The following DPY19L2 variants were observed in gnomAD, a reference collection of about 807,000 sequenced individuals.
DPY19L2 encodes probable C-mannosyltransferase DPY19L2.
Under a neutral mutation model 97.9 loss-of-function variants are expected in DPY19L2, and 34 were observed. The observed-to-expected ratio is 0.35, with a 90% CI of 0.26 to 0.46. The LOEUF (loss-of-function observed/expected upper bound fraction) is 0.46, where lower values mean the gene tolerates loss of function less well. Ranked by LOEUF, DPY19L2 falls within the 20% of genes least tolerant of loss-of-function variation. The pLI, the probability that DPY19L2 is intolerant of heterozygous loss-of-function variation, is 1.00. For synonymous variants in DPY19L2, 230 were observed against 307.9 expected (o/e 0.75, Z 2.65); for missense variants, 623 against 911.4 (o/e 0.68, Z 4.07).
chr12:63,656,481 T>G (rs1228185352), intron 4 of DPY19L2, among the ~76,000 whole-genome samples: 1 of 152,212 alleles, frequency 6.6e-6, no homozygotes, highest in Non-Finnish European at 1.5e-5. Context: ...CATTTACCCC[T>G]AGGTTTGCAT....
intron 6 of DPY19L2, among the ~76,000 whole-genome samples, chr12:63,628,688 T>C (rs1890033251): frequency 6.6e-6 from 1 of 151,778 alleles, no homozygotes; most frequent in Non-Finnish European, 1.5e-5. Context: ...CAGACTTAAA[T>C]GTCCCTGTCT....
intron 3 of DPY19L2, 139 bp from the exon 4 acceptor site, chr12:63,661,620 C>T (rs1393463415): frequency 1.6e-6 from 1 of 638,790 alleles, no homozygotes; most frequent in Admixed American, 4.0e-5. Flanking sequence ...CGCTATTTTG[C>T]ATTCTTGGTT....
intron 20 of DPY19L2, among the ~76,000 whole-genome samples, chr12:63,570,549 A>T (rs11175049): frequency 5.3e-5 from 8 of 152,118 alleles, no homozygotes; most frequent in African/African-American, 1.4e-4. Flanking sequence ...TCAGTTTTTC[A>T]GAGGTCTGCT....
chr12:63,637,825 A>C (rs936585170), intron 6 of DPY19L2, among the ~76,000 whole-genome samples: 1 of 152,146 alleles, frequency 6.6e-6, no homozygotes, highest in African/African-American at 2.4e-5. Flanking sequence ...TCCAATCAAA[A>C]GAAAAAGAGG....
intron 6 of DPY19L2, among the ~76,000 whole-genome samples, chr12:63,629,896 A>G (rs1427605678): frequency 1.3e-5 from 2 of 152,184 alleles, no homozygotes; most frequent in Non-Finnish European, 2.9e-5. Flanking sequence ...GCCAGAAGAG[A>G]GTGGGGGCCA....
chr12:63,573,187 G>C (rs527491430), intron 19 of DPY19L2, among the ~76,000 whole-genome samples: 2 of 152,166 alleles, frequency 1.3e-5, no homozygotes, highest in Non-Finnish European at 2.9e-5. Context: ...GCTGAGGAAA[G>C]TCAACGAAAT....
chr12:63,639,677 CAATCA>C (rs1164196827), intron 6 of DPY19L2, among the ~76,000 whole-genome samples: 4 of 152,182 alleles, frequency 2.6e-5, no homozygotes, highest in African/African-American at 9.6e-5. Flanking sequence ...GTTAGAATGG[CAATCA>C]TTAAAAAGTC....
At chr12:63,666,834 C>G (rs1290570872) in intron 1 of DPY19L2, among the ~76,000 whole-genome samples, 1 of 152,128 alleles carries the variant, frequency 6.6e-6, no homozygotes, top group Non-Finnish European at 1.5e-5. Context: ...CCTAAATATA[C>G]TTGGCAAGTC....
intron 4 of DPY19L2, among the ~76,000 whole-genome samples, chr12:63,654,425 T>C (rs566549582): frequency 6.6e-6 from 1 of 152,008 alleles, no homozygotes; most frequent in Non-Finnish European, 1.5e-5. Context: ...CAAACAGAAA[T>C]TGAAAACCAA....
At chr12:63,668,587 C>A, upstream of DPY19L2, 1 of 606,242 alleles carries the variant, frequency 1.6e-6, no homozygotes, top group Non-Finnish European at 2.9e-6. Flanking sequence ...CGCGGGCAGT[C>A]CCTGAGTGTC....
intron 11 of DPY19L2, among the ~76,000 whole-genome samples, chr12:63,611,824 T>C (rs1887055348): frequency 1.3e-5 from 2 of 151,952 alleles, no homozygotes; most frequent in African/African-American, 4.8e-5. Flanking sequence ...AGTCCCTAAA[T>C]GAAAGTGAAG....
intron 4 of DPY19L2, among the ~76,000 whole-genome samples, chr12:63,656,818 T>C (rs1207459541): frequency 6.6e-6 from 1 of 152,178 alleles, no homozygotes; most frequent in African/African-American, 2.4e-5. Flanking sequence ...TGTCTGCTGA[T>C]GAGCTCATGT....
At chr12:63,607,127 A>C (rs1252685044) in intron 12 of DPY19L2, among the ~76,000 whole-genome samples, 2 of 152,138 alleles carry the variant, frequency 1.3e-5, no homozygotes, top group East Asian at 3.9e-4. Flanking sequence ...TCTTGATTTT[A>C]AAACTTGGTC....
chr12:63,562,824 G>T (rs1876862798), intron 21 of DPY19L2, among the ~76,000 whole-genome samples: 1 of 145,194 alleles, frequency 6.9e-6, no homozygotes, highest in African/African-American at 2.6e-5. Context: ...CTGAGACAAG[G>T]TCTTGCTCTG....
chr12:63,664,927 G>C (rs1312014672), intron 2 of DPY19L2, among the ~76,000 whole-genome samples: 1 of 152,130 alleles, frequency 6.6e-6, no homozygotes, highest in African/African-American at 2.4e-5. Context: ...CAGCAGCACT[G>C]TGTCAATAGA....
intron 6 of DPY19L2, among the ~76,000 whole-genome samples, chr12:63,634,450 A>G (rs1377081298): frequency 6.6e-6 from 1 of 152,122 alleles, no homozygotes; most frequent in Non-Finnish European, 1.5e-5. Flanking sequence ...GGGCTTGTCC[A>G]ATAGTGGGTG....
At chr12:63,628,451 A>G (rs1425280884) in intron 6 of DPY19L2, among the ~76,000 whole-genome samples, 1 of 152,162 alleles carries the variant, frequency 6.6e-6, no homozygotes, top group Non-Finnish European at 1.5e-5. Context: ...TCCTATGCCC[A>G]CGGAGCCTCC....
intron 4 of DPY19L2, among the ~76,000 whole-genome samples, chr12:63,650,872 A>G (rs1220007579): frequency 6.6e-6 from 1 of 151,926 alleles, no homozygotes; most frequent in Non-Finnish European, 1.5e-5. Flanking sequence ...CTTCAACATA[A>G]ATAAGGTTAA....
intron 12 of DPY19L2, among the ~76,000 whole-genome samples, chr12:63,604,740 T>G (rs1158697502): frequency 6.6e-6 from 1 of 152,190 alleles, no homozygotes; most frequent in African/African-American, 2.4e-5. Flanking sequence ...CCTTTTCATT[T>G]GCTTCCAGAG....
Sources: allele counts gnomAD v4.1 joint callset (sites outside exome capture counted in the v4.1 genomes callset), GRCh38; gene constraint gnomAD v4.1.1; transcripts MANE v1.5; gene names NCBI Gene and HGNC (gene_info 2026-07-23, HGNC 2026-07-21).